The following SASH1 variants were observed in gnomAD, a reference collection of about 807,000 sequenced individuals.
SASH1 encodes the protein SAM and SH3 domain containing 1.
A neutral mutation model predicts 125.2 loss-of-function variants in SASH1; 44 were observed. That is an observed-to-expected ratio of 0.35 (90% CI 0.28 to 0.45). The LOEUF (loss-of-function observed/expected upper bound fraction) is 0.45, where lower values mean the gene tolerates loss of function less well. Ranked by LOEUF, SASH1 falls within the 20% of genes least tolerant of loss-of-function variation. The probability of loss-of-function intolerance (pLI) is 1.00; values close to 1 mark genes in which losing one functional copy is unlikely to be tolerated. For missense variants in SASH1, 1,426 were observed against 1,614.5 expected (o/e 0.88, Z 2.00); for synonymous variants, 639 against 649.1 (o/e 0.98, Z 0.24).
intron 1 of SASH1, among the ~76,000 whole-genome samples, chr6:148,377,711 A>ATCTT (rs1424889027): frequency 6.6e-6 from 1 of 152,106 alleles, no homozygotes; most frequent in Non-Finnish European, 1.5e-5. Flanking sequence ...GAAATTCTAG[A>ATCTT]TCTTTATTTT....
rs528291165 is a variant in SASH1, at chr6:148,308,701, G to A, written n.74+36324G>A. Among the ~76,000 whole-genome samples, 277 of 138,892 alleles carry A rather than the reference G, an allele frequency of 2.0e-3. 2 individuals are homozygous for A. Among genetic ancestry groups the A allele is most frequent in the Admixed American group, 4.0e-3 (55 of 13,746 alleles). The allele number at this position is 138,892 out of a possible 152,430, so 91.1% of individuals were successfully genotyped here. A position where few individuals can be genotyped will look rare whatever the true frequency, so the allele number is the denominator to read the frequency against. ...GTGAGCCACCGCACCTGGCAACTTA[G>A]GAGCTTTTTAAAGTATTTTCTGCTT... On this transcript the variant is annotated intron_variant and non_coding_transcript_variant, in intron 1 of 3. Coordinates refer to the SASH1 transcript ENST00000367469.
intron 2 of SASH1, among the ~76,000 whole-genome samples, chr6:148,412,583 A>C (rs2114914010): frequency 6.6e-6 from 1 of 152,318 alleles, no homozygotes; most frequent in South Asian, 2.1e-4. Context: ...ATAATTTCTA[A>C]AGAAAAGTGT....
At chr6:148,319,733 C>T (rs1054653699) in intron 1 of SASH1, among the ~76,000 whole-genome samples, 1 of 152,036 alleles carries the variant, frequency 6.6e-6, no homozygotes, top group Admixed American at 6.5e-5. Context: ...AGGCTGGTCT[C>T]GAATTCCCGA....
At chr6:148,257,237 A>G in the SASH1 span, among the ~76,000 whole-genome samples, 4 of 152,134 alleles carry the variant, frequency 2.6e-5, no homozygotes, top group African/African-American at 9.7e-5. Flanking sequence ...AACCTTATGG[A>G]TTGAGGAATC....
chr6:148,338,014 A>G (rs927598794), upstream of SASH1, among the ~76,000 whole-genome samples: 1 of 120,754 alleles, frequency 8.3e-6, no homozygotes, highest in African/African-American at 2.7e-5. Context: ...TGGTAAGAGA[A>G]AAAGGGGAGT....
intron 10 of SASH1, among the ~76,000 whole-genome samples, chr6:148,523,969 T>TGTAA (rs1393336440): frequency 2.0e-4 from 31 of 151,678 alleles, no homozygotes; most frequent in African/African-American, 7.0e-4. Context: ...GCTCAGAGAG[T>TGTAA]GTAAGTACTT....
At chr6:148,384,154 A>G (rs1479881671) in intron 1 of SASH1, among the ~76,000 whole-genome samples, 3 of 152,208 alleles carry the variant, frequency 2.0e-5, no homozygotes, top group African/African-American at 7.2e-5. Flanking sequence ...TCCTGTTTTC[A>G]AAGACAGGGG....
rs1285023921 is a variant in SASH1 at position 148,421,138 on chromosome 6, GAAGGAAGGAAGAAAGAAAGA to G, written c.286-19042_286-19023del. On this transcript the variant is annotated intron_variant, in intron 2 of 19. Transcript: ENST00000367467. ...AAAAGAAAGGAAGAAAGGAAGGAAG[GAAGGAAGGAAGAAAGAAAGA>G]AAGAAAGAAAGAAAGAAAGAAAGAA... Among the ~76,000 whole-genome samples, 252 of 54,140 alleles carry G rather than the reference GAAGGAAGGAAGAAAGAAAGA, an allele frequency of 4.7e-3. 6 individuals carry two copies. Among genetic ancestry groups the G allele is most frequent in the African/African-American group, 0.013 (201 of 15,422 alleles). The allele number at this position is 54,140 out of a possible 152,430, so 35.5% of individuals were successfully genotyped here.
the SASH1 span, among the ~76,000 whole-genome samples, chr6:148,206,107 A>G: frequency 2.0e-5 from 3 of 152,198 alleles, no homozygotes; most frequent in South Asian, 2.1e-4. Context: ...TTTCTTTGCC[A>G]TTTATTTTTT....
intron 7 of SASH1, chr6:148,480,566 G>A (rs955004355): frequency 6.6e-6 from 1 of 152,218 alleles, no homozygotes; most frequent in African/African-American, 2.4e-5. Context: ...CAACAGGAGA[G>A]AAGATGGTCT....
chr6:148,513,397 G>A (rs958982856), intron 8 of SASH1: 14 of 985,352 alleles, frequency 1.4e-5, no homozygotes, highest in Admixed American at 6.1e-5. Context: ...TTGCACACTC[G>A]TTTAGTCAGA....
In SASH1 at chr6:148,526,867, C is replaced by CTT. The variant is rs756675931; in HGVS notation, c.1285-570_1285-569dup. 5.7e-5 allele frequency among the ~76,000 whole-genome samples: 7 copies of CTT among 123,152 alleles called. 1 individual carries two copies. The highest frequency in any genetic ancestry group is 8.9e-5 in the African/African-American group (3 of 33,556). 80.8% of individuals were successfully genotyped at this position (123,152 alleles called of 152,430 possible). On this transcript the variant is annotated intron_variant, in intron 11 of 19. Coordinates refer to ENST00000367467, the MANE Select transcript of SASH1 (RefSeq NM_015278.5). ...CATGAACATTGGTTCATGTAAATCA[C>CTT]TTTTTTTTTTTTTTTTTCCCTCTGA...
chr6:148,254,537 G>T, the SASH1 span, among the ~76,000 whole-genome samples: 5 of 152,092 alleles, frequency 3.3e-5, no homozygotes, highest in African/African-American at 1.2e-4. Flanking sequence ...ATAAGCCAAA[G>T]ATCTGAATAG....
rs537735843 is a variant in SASH1, at chr6:148,539,106, T to TC, written c.2096-1333dup. Among the ~76,000 whole-genome samples the TC allele has an allele frequency of 6.5e-3, 988 of 151,076 alleles. 11 individuals are homozygous for TC. Among genetic ancestry groups the TC allele is most frequent in the African/African-American group, 0.023 (942 of 41,208 alleles). On this transcript the variant is annotated intron_variant, in intron 16 of 19. Transcript: ENST00000367467. Reference sequence around the variant, plus strand: ...GTCCGATGCTGCTTTTTTTTTTTTTTCCCCTCCAGCTTTGTTGAGGCACAG... The same window carrying TC: ...GTCCGATGCTGCTTTTTTTTTTTTTTCCCCCTCCAGCTTTGTTGAGGCACAG...
intron 1 of SASH1, among the ~76,000 whole-genome samples, chr6:148,290,609 A>G (rs1466523232): frequency 1.3e-5 from 2 of 152,104 alleles, no homozygotes; most frequent in African/African-American, 4.8e-5. Context: ...CCGTCTCAAA[A>G]AAGAAGGAAA....
intron 19 of SASH1, among the ~76,000 whole-genome samples, chr6:148,546,711 G>A (rs547396048): frequency 9.9e-5 from 15 of 152,100 alleles, no homozygotes; most frequent in Non-Finnish European, 2.2e-4. Flanking sequence ...ATTCCACAAT[G>A]TGTACATTTA....
intron 1 of SASH1, among the ~76,000 whole-genome samples, chr6:148,383,089 G>A (rs1783215653): frequency 6.6e-6 from 1 of 152,228 alleles, no homozygotes; most frequent in African/African-American, 2.4e-5. Flanking sequence ...GGCAGGAAGT[G>A]ATGACAGAGC....
At position 148,540,509 on chromosome 6, in the gene SASH1, C is replaced by A; in HGVS notation, c.2162C>A (p.Ser721Ter). 6.2e-7 allele frequency: 1 copy of A among 1,614,046 alleles called. No individual in the cohort carries two copies. Among genetic ancestry groups the A allele is most frequent in the South Asian group, 1.1e-5 (1 of 91,036 alleles). Residue 721 changes from serine (S) to a stop codon, truncating the protein, a stop_gained, in exon 17 of 20, where the codon TCA becomes TAA. Transcript: ENST00000367467. LOFTEE classifies it high-confidence loss of function. Reference protein sequence around the residue: ...LVDSQGLSGCSPRDSGCYESS... With the variant: ...LVDSQGLSGC The stretch of plus-strand genomic sequence containing the variant: ...GACAGCCAGGGCCTGAGTGGATGCT[C>A]ACCCCGAGACTCAGGATGCTACGAA...
intron 1 of SASH1, among the ~76,000 whole-genome samples, chr6:148,382,692 G>T (rs1386408110): frequency 6.6e-6 from 1 of 152,158 alleles, no homozygotes; most frequent in African/African-American, 2.4e-5. Context: ...CCTGCCTTCT[G>T]GGAGGCCGTT....
Sources: allele counts gnomAD v4.1 joint callset (sites outside exome capture counted in the v4.1 genomes callset), GRCh38; gene constraint gnomAD v4.1.1; transcripts MANE v1.5; gene names NCBI Gene and HGNC (gene_info 2026-07-23, HGNC 2026-07-21).